Variants in SLC1A2 observed in about 807,000 individuals in gnomAD.
The protein encoded by SLC1A2 is solute carrier family 1 member 2, also known as excitatory amino acid transporter 2.
Under a neutral mutation model 48.8 loss-of-function variants are expected in SLC1A2, and 15 were observed. The ratio of observed to expected loss-of-function variants is 0.31; its 90% CI spans 0.21 to 0.47. SLC1A2 has a LOEUF of 0.47. SLC1A2 is among the 20% of genes least tolerant of loss of function. The pLI is 0.99. For synonymous variants in SLC1A2, 279 were observed against 272.6 expected, an observed-to-expected ratio of 1.02 and a Z score of -0.23; for missense variants, 502 against 730.5, an observed-to-expected ratio of 0.69 and a Z score of 3.61.
At chr11:35,273,995 TG>T (rs1171266440) in intron 9 of SLC1A2, among the ~76,000 whole-genome samples, 1 of 152,168 alleles carries the variant, frequency 6.6e-6, no homozygotes, top group Non-Finnish European at 1.5e-5. Context: ...TCCAGAGAGC[TG>T]GGGAAATATT....
intron 6 of SLC1A2, chr11:35,298,901 T>C (rs1851252890): frequency 6.6e-6 from 1 of 152,180 alleles, no homozygotes; most frequent in Admixed American, 6.5e-5. Flanking sequence ...ATTACAGAAA[T>C]ACGGGCTGCA....
In SLC1A2 at chr11:35,265,608, A is replaced by G. The variant is rs757426635; in HGVS notation, c.1572T>C (p.Asp524=). 2 of 1,612,904 alleles carry G rather than the reference A, an allele frequency of 1.2e-6. No homozygotes were observed. The highest frequency in any genetic ancestry group is 4.5e-5 in the East Asian group (2 of 44,894). The change falls in exon 10 of 11, where the codon GAT becomes GAC. Residue 524 remains aspartate (D), a synonymous_variant. Transcript: ENST00000278379. ...IEMTKTQSIY[D]DMKNHRESNS... is the part of the protein sequence containing the mutation. ...TGCTTTCCCTGTGGTTCTTCATGTCATCATAAATGGATTGAGTCTTGGTCA... is the reference window on the plus strand; with the variant it reads ...TGCTTTCCCTGTGGTTCTTCATGTCGTCATAAATGGATTGAGTCTTGGTCA...
intron 7 of SLC1A2, among the ~76,000 whole-genome samples, chr11:35,287,608 C>T (rs896355676): frequency 5.9e-5 from 9 of 152,194 alleles, no homozygotes; most frequent in Non-Finnish European, 7.3e-5. Flanking sequence ...AGCAGGAAAG[C>T]ATGTGCTCAT....
chr11:35,294,345 C>G (rs1044948046), intron 6 of SLC1A2, among the ~76,000 whole-genome samples: 2 of 152,164 alleles, frequency 1.3e-5, no homozygotes, highest in African/African-American at 2.4e-5. Context: ...GCAGGCTGGT[C>G]AAGTCTGAGG....
intron 7 of SLC1A2, 108 bp downstream of exon 7, chr11:35,292,179 G>C: frequency 1.3e-6 from 1 of 786,748 alleles, no homozygotes; most frequent in Non-Finnish European, 2.1e-6. Flanking sequence ...AGTAATGTGT[G>C]CCAAGTGTTC....
chr11:35,252,757 T>C lies in SLC1A2; in HGVS notation c.*8137A>G, dbSNP rs1381934020. On this transcript the variant is annotated 3_prime_UTR_variant, in exon 11 of 11. Coordinates refer to ENST00000278379, the MANE Select transcript of SLC1A2 (RefSeq NM_004171.4). ...TAGATGAATAGCCAAAAATAACATA[T>C]ACATTTAAATTACAATACATCTATA... is the stretch of plus-strand genomic sequence containing the variant. The C allele has an allele frequency of 1.3e-5, 2 of 152,736 alleles. No individual in the cohort carries two copies. The highest frequency in any genetic ancestry group is 3.9e-4 in the East Asian group (2 of 5,188). 9.5% of individuals were successfully genotyped at this position (152,736 alleles called of 1,614,324 possible). A position where few individuals can be genotyped will look rare whatever the true frequency, so the allele number is the denominator to read the frequency against.
At chr11:35,349,360 T>C (rs1206122714) in intron 1 of SLC1A2, among the ~76,000 whole-genome samples, 1 of 152,226 alleles carries the variant, frequency 6.6e-6, no homozygotes, top group African/African-American at 2.4e-5. Context: ...GGTAATTTTC[T>C]ATGAATCCTC....
intron 1 of SLC1A2, among the ~76,000 whole-genome samples, chr11:35,372,695 G>C (rs1854098121): frequency 6.6e-6 from 1 of 152,054 alleles, no homozygotes; most frequent in African/African-American, 2.4e-5. Flanking sequence ...ATAATCAATA[G>C]CACTTATAGA....
intron 1 of SLC1A2, among the ~76,000 whole-genome samples, chr11:35,370,727 C>G (rs1854032764): frequency 6.6e-6 from 1 of 151,958 alleles, no homozygotes; most frequent in Admixed American, 6.6e-5. Flanking sequence ...ATGTGAGAGG[C>G]TGTCTCACTG....
rs571272125 is a variant in SLC1A2, at chr11:35,263,560, G to A, written c.1653+1967C>T. Among the ~76,000 whole-genome samples the A allele has an allele frequency of 3.3e-5, 5 of 152,198 alleles. No individual in the cohort carries two copies. The East Asian group carries it at 7.7e-4, about 24-fold the overall frequency. Reference sequence around the variant, plus strand: ...GTCTGAAATCTAAAGACATCTCCACGCCCACACCTTCTTTTTCAAAAAGTG... The same window carrying A: ...GTCTGAAATCTAAAGACATCTCCACACCCACACCTTCTTTTTCAAAAAGTG... On this transcript the variant is annotated intron_variant, in intron 10 of 10. Coordinates refer to ENST00000278379, the MANE Select transcript of SLC1A2 (RefSeq NM_004171.4).
Position 35,419,075 on chromosome 11 carries a change from G to A in SLC1A2, c.-109C>T. 1.0e-6 allele frequency: 1 copy of A among 990,576 alleles called. No individual in the cohort carries two copies. Among genetic ancestry groups the A allele is most frequent in the Admixed American group, 2.4e-5 (1 of 41,200 alleles). 61.4% of individuals were successfully genotyped at this position (990,576 alleles called of 1,614,324 possible). On this transcript the variant is annotated 5_prime_UTR_variant, in exon 1 of 11. Transcript: ENST00000278379. This position sits in a 1 kb window ranked among gnomAD's most constrained non-coding sequence, Gnocchi z 5.4. ...TGCGGCCGGGAGCGGTATTTAAGAG[G>A]AGCCTCTGCCCGCCCTTCCACCCGC...
intron 4 of SLC1A2, among the ~76,000 whole-genome samples, chr11:35,309,038 CT>C (rs1213027257): frequency 1.3e-5 from 2 of 152,176 alleles, no homozygotes; most frequent in African/African-American, 2.4e-5. Context: ...TACTTTTCAG[CT>C]TCTGCATATC....
chr11:35,310,551 C>A (rs1851654853), intron 4 of SLC1A2, among the ~76,000 whole-genome samples: 1 of 152,208 alleles, frequency 6.6e-6, no homozygotes, highest in Admixed American at 6.5e-5. Context: ...CCAGAGTAAT[C>A]TGGGCTCAGC....
At chr11:35,397,137 C>G (rs1366978090) in intron 1 of SLC1A2, among the ~76,000 whole-genome samples, 3 of 148,986 alleles carry the variant, frequency 2.0e-5, no homozygotes, top group African/African-American at 4.9e-5. Context: ...CCATCCCCAT[C>G]AAGCTACCAA....
chr11:35,309,940 T>C (rs1422945678), intron 4 of SLC1A2, among the ~76,000 whole-genome samples: 1 of 152,140 alleles, frequency 6.6e-6, no homozygotes, highest in Non-Finnish European at 1.5e-5. Flanking sequence ...ATTTTGGCAA[T>C]AGAAAGTTGG....
chr11:35,342,521 TTTG>T (rs149828426), intron 1 of SLC1A2, among the ~76,000 whole-genome samples: 91,909 of 151,022 alleles, frequency 0.61, 28,126 homozygotes, highest in East Asian at 0.7. Context: ...GAGTGTTTTT[TTTG>T]TTGTTGTTGT....
intron 1 of SLC1A2, among the ~76,000 whole-genome samples, chr11:35,365,407 C>A (rs1231442696): frequency 2.0e-5 from 3 of 152,142 alleles, no homozygotes; most frequent in Non-Finnish European, 4.4e-5. Context: ...TGTAGCATTC[C>A]CAAGTCTCCA....
Position 35,361,614 on chromosome 11 carries a change from G to A in SLC1A2, c.18-44098C>T, listed in dbSNP as rs570237447. ...TTTAGGTTAAGAAGAGGGGACAAATGGGTGAGAACACAGAGGACTCTGAGT... is the reference window on the plus strand; with the variant it reads ...TTTAGGTTAAGAAGAGGGGACAAATAGGTGAGAACACAGAGGACTCTGAGT... On this transcript the variant is annotated intron_variant, in intron 1 of 10. Coordinates refer to ENST00000278379, the MANE Select transcript of SLC1A2 (RefSeq NM_004171.4). Among the ~76,000 whole-genome samples the A allele has an allele frequency of 7.2e-5, 11 of 152,236 alleles. No homozygotes were observed. In the Middle Eastern group the frequency reaches 0.01, roughly 141 times the overall value.
At chr11:35,287,597 G>A (rs946005504) in intron 7 of SLC1A2, among the ~76,000 whole-genome samples, 5 of 152,162 alleles carry the variant, frequency 3.3e-5, no homozygotes, top group African/African-American at 4.8e-5. Context: ...CAATGACATG[G>A]AGCAGGAAAG....
Sources: allele counts gnomAD v4.1 joint callset (sites outside exome capture counted in the v4.1 genomes callset), GRCh38; gene constraint gnomAD v4.1.1; non-coding constraint Gnocchi (gnomAD v3.1); transcripts MANE v1.5; gene names NCBI Gene and HGNC (gene_info 2026-07-23, HGNC 2026-07-21).